Variants in MPDZ observed in about 807,000 individuals in gnomAD.
MPDZ encodes multiple PDZ domain crumbs cell polarity complex component.
MPDZ carries 234 observed loss-of-function variants against 239.1 expected under a neutral mutation model. The observed-to-expected ratio is 0.98, with a 90% CI of 0.88 to 1.09. The LOEUF (loss-of-function observed/expected upper bound fraction) is 1.09. MPDZ is among the 50% of genes least tolerant of loss of function. MPDZ has a pLI of 0.00. For synonymous variants in MPDZ, 1,048 were observed against 881.3 expected, an observed-to-expected ratio of 1.19 and a Z score of -3.35; for missense variants, 3,175 against 2,510.0, an observed-to-expected ratio of 1.26 and a Z score of -5.66.
In MPDZ at chr9:13,160,869, T is replaced by TAA. The variant is rs1175309016; in HGVS notation, c.3359+1820_3359+1821dup. On this transcript the variant is annotated intron_variant, in intron 23 of 46. Transcript: ENST00000319217. ...ATATATATATATATATATATATATATAAAACAGGTACTTACATAGCTTTTA... is the reference window on the plus strand; with the variant it reads ...ATATATATATATATATATATATATATAAAAAACAGGTACTTACATAGCTTTTA... Among the ~76,000 whole-genome samples the TAA allele has an allele frequency of 1.2e-3, 154 of 127,792 alleles. 2 individuals are homozygous for TAA. The highest frequency in any genetic ancestry group is 1.7e-3 in the African/African-American group (57 of 34,250). The allele number at this position is 127,792 out of a possible 152,430, so 83.8% of individuals were successfully genotyped here. A position where few individuals can be genotyped will look rare whatever the true frequency, so the allele number is the denominator to read the frequency against.
intron 29 of MPDZ, among the ~76,000 whole-genome samples, chr9:13,137,166 A>T (rs1174529530): frequency 2.6e-5 from 4 of 152,050 alleles, no homozygotes; most frequent in African/African-American, 9.7e-5. Context: ...CTGCAAGACC[A>T]TCCTGGGAAG....
intron 21 of MPDZ, among the ~76,000 whole-genome samples, chr9:13,173,674 C>A: frequency 6.6e-6 from 1 of 151,018 alleles, no homozygotes; most frequent in Non-Finnish European, 1.5e-5. Flanking sequence ...CACTGCACTG[C>A]AGCCTGGGCA....
At chr9:13,137,348 A>C (rs2132325808) in intron 29 of MPDZ, among the ~76,000 whole-genome samples, 1 of 152,264 alleles carries the variant, frequency 6.6e-6, no homozygotes. Context: ...CCACTGCCTG[A>C]CTGAGCCTCC....
rs760243885 is a variant in MPDZ, at chr9:13,139,999, C to T, written c.3991G>A (p.Gly1331Ser). 6 of 1,613,196 alleles carry T rather than the reference C, an allele frequency of 3.7e-6. No individual in the cohort carries two copies. In the African/African-American group the frequency reaches 8.0e-5, roughly 22 times the overall value. The stretch of plus-strand genomic sequence containing the variant: ...AAACACAACTTACTCCAGCTGTAAC[C>T]AAACTCATCCTCTTTGTCCACATCT... ...SQDVDKEDEF[G>S]YSWKNIRERY... Residue 1331 changes from glycine (G) to serine (S), a missense_variant, in exon 28 of 47, where the codon GGT (glycine) becomes AGT (serine). By Grantham distance (56) the Gly-to-Ser change is moderately conservative. Transcript: ENST00000319217.
At chr9:13,255,611 G>A (rs1036581261) in intron 1 of MPDZ, among the ~76,000 whole-genome samples, 13 of 152,172 alleles carry the variant, frequency 8.5e-5, no homozygotes, top group African/African-American at 3.1e-4. Flanking sequence ...CTCTCTTGAT[G>A]AAACTCTATC....
intron 16 of MPDZ, 100 bp from the exon 17 acceptor site, chr9:13,189,093 T>C (rs1233596836): frequency 9.8e-7 from 1 of 1,025,258 alleles, no homozygotes; most frequent in East Asian, 2.6e-5. Context: ...TTGTCTCAAG[T>C]GCCTTTAAAA....
At chr9:13,119,930 T>C (rs550055548) in intron 38 of MPDZ, 78 of 365,810 alleles carry the variant, frequency 2.1e-4, no homozygotes, top group Non-Finnish European at 8.0e-5. Flanking sequence ...ATTCTCATTT[T>C]ATGGGTCACT....
At chr9:13,206,630 A>C (rs1587790245) in intron 10 of MPDZ, among the ~76,000 whole-genome samples, 1 of 147,072 alleles carries the variant, frequency 6.8e-6, no homozygotes. Context: ...TGCAACCTCC[A>C]CCTCCCAGGT....
intron 3 of MPDZ, among the ~76,000 whole-genome samples, chr9:13,227,609 C>A (rs1033904439): frequency 6.6e-6 from 1 of 151,930 alleles, no homozygotes; most frequent in Admixed American, 6.6e-5. Flanking sequence ...GTAAGAGATT[C>A]ATGGTAAAAG....
chr9:13,275,837 C>T (rs554106118), intron 1 of MPDZ, among the ~76,000 whole-genome samples: 1 of 152,234 alleles, frequency 6.6e-6, no homozygotes, highest in South Asian at 2.1e-4. Context: ...ATTGAATATG[C>T]TCTCCAGTAC....
rs112679852 is a variant in MPDZ, at chr9:13,227,773, C to A, written c.184-3190G>T. Among the ~76,000 whole-genome samples, 1,005 of 152,186 alleles carry A rather than the reference C, an allele frequency of 6.6e-3. 3 individuals carry two copies. The highest frequency in any genetic ancestry group is 0.023 in the African/African-American group (948 of 41,536). On this transcript the variant is annotated intron_variant, in intron 3 of 46. Transcript: ENST00000319217. ...AATTTGTTAAAGGTTTGAGGAAGGT[C>A]AATGACTCCTCCTGCTTCATCCCTG...
At chr9:13,248,038 C>A (rs1010901127) in intron 2 of MPDZ, among the ~76,000 whole-genome samples, 2 of 151,842 alleles carry the variant, frequency 1.3e-5, no homozygotes, top group African/African-American at 4.8e-5. Flanking sequence ...ACCAGCCTGG[C>A]CAAAATGATG....
intron 39 of MPDZ, among the ~76,000 whole-genome samples, chr9:13,118,351 C>CT (rs1943814843): frequency 6.6e-6 from 1 of 152,164 alleles, no homozygotes; most frequent in East Asian, 1.9e-4. Flanking sequence ...CGAATGTTAA[C>CT]TTTGCTTTAA....
At chr9:13,165,184 A>T (rs1486689678) in intron 22 of MPDZ, among the ~76,000 whole-genome samples, 1 of 152,194 alleles carries the variant, frequency 6.6e-6, no homozygotes, top group Non-Finnish European at 1.5e-5. Context: ...TGAAAACGTA[A>T]CAATCTCATA....
At chr9:13,129,238 G>A (rs545771857) in intron 32 of MPDZ, among the ~76,000 whole-genome samples, 1 of 152,182 alleles carries the variant, frequency 6.6e-6, no homozygotes, top group Non-Finnish European at 1.5e-5. Context: ...TGAGGCAGGT[G>A]GATCACCTGA....
chr9:13,191,916 C>T, intron 15 of MPDZ, among the ~76,000 whole-genome samples: 1 of 152,044 alleles, frequency 6.6e-6, no homozygotes, highest in East Asian at 1.9e-4. Context: ...AAGGAGAAAA[C>T]TGAGGTTCAG....
chr9:13,210,463 AC>A (rs923798362), intron 10 of MPDZ, among the ~76,000 whole-genome samples: 4 of 151,472 alleles, frequency 2.6e-5, no homozygotes, highest in African/African-American at 9.7e-5. Flanking sequence ...TATATACCCT[AC>A]CCACCCAGGT....
chr9:13,247,860 A>G, intron 2 of MPDZ, 59 bp from the exon 3 acceptor site: 1 of 1,437,914 alleles, frequency 7.0e-7, no homozygotes, highest in Non-Finnish European at 9.5e-7. Flanking sequence ...GTCCAGCCTA[A>G]GAGGACTCCA....
Position 13,133,918 on chromosome 9 carries a change from A to T in MPDZ, c.4384-14T>A. The T allele has an allele frequency of 6.8e-7, 1 of 1,464,770 alleles. No homozygotes were observed. The allele number at this position is 1,464,770 out of a possible 1,614,324, so 90.7% of individuals were successfully genotyped here. On this transcript the variant is annotated splice_polypyrimidine_tract_variant and intron_variant, in intron 31 of 46. Transcript: ENST00000319217. ...AGTTGGCTCTGTCTGACAGAGGGAAAGAAATGACAAAAAGAGCAACTGAGT... is the reference window on the plus strand; with the variant it reads ...AGTTGGCTCTGTCTGACAGAGGGAATGAAATGACAAAAAGAGCAACTGAGT...
Sources: allele counts gnomAD v4.1 joint callset (sites outside exome capture counted in the v4.1 genomes callset), GRCh38; gene constraint gnomAD v4.1.1; transcripts MANE v1.5; gene names NCBI Gene and HGNC (gene_info 2026-07-23, HGNC 2026-07-21).